Variants in ADAM22 observed in about 807,000 individuals in gnomAD.
ADAM22 encodes disintegrin and metalloproteinase domain-containing protein 22.
Under a neutral mutation model 144.6 loss-of-function variants are expected in ADAM22, and 65 were observed. The ratio of observed to expected loss-of-function variants is 0.45; its 90% CI spans 0.37 to 0.55. ADAM22 has a LOEUF of 0.55. ADAM22 is among the 20% of genes least tolerant of loss of function. ADAM22 has a pLI of 0.00. For synonymous variants in ADAM22, 391 were observed against 412.6 expected (o/e 0.95, Z 0.63); for missense variants, 974 against 1,184.9 (o/e 0.82, Z 2.61).
At chr7:88,192,281 T>C (rs1310680705) in intron 30 of ADAM22, among the ~76,000 whole-genome samples, 1 of 152,252 alleles carries the variant, frequency 6.6e-6, no homozygotes, top group African/African-American at 2.4e-5. Flanking sequence ...ACTACAGTTA[T>C]CACATCTGTT....
At chr7:87,952,845 T>G (rs906973454) in intron 2 of ADAM22, among the ~76,000 whole-genome samples, 1 of 152,236 alleles carries the variant, frequency 6.6e-6, no homozygotes, top group Non-Finnish European at 1.5e-5. Context: ...ATTCAGAGAT[T>G]CAACTTCTTC....
rs368592187 is a variant in ADAM22 at position 88,108,299 on chromosome 7, A to G, written c.473+41A>G. Reference sequence around the variant, plus strand: ...GTTATTTTTACTGTTTGTTTTTTCAATAATTTATTTTCTTTATTATGAATG... The same window carrying G: ...GTTATTTTTACTGTTTGTTTTTTCAGTAATTTATTTTCTTTATTATGAATG... On this transcript the variant is annotated intron_variant, in intron 5 of 31. Coordinates refer to ENST00000413139, the MANE Select transcript of ADAM22 (RefSeq NM_001324418.2). 12 of 1,536,744 alleles carry G rather than the reference A, an allele frequency of 7.8e-6. No individual in the cohort carries two copies. The African/African-American group carries it at 9.7e-5, about 12-fold the overall frequency.
intron 4 of ADAM22, among the ~76,000 whole-genome samples, chr7:88,093,636 T>A (rs1820519652): frequency 6.6e-6 from 1 of 152,078 alleles, no homozygotes; most frequent in Admixed American, 6.6e-5. Flanking sequence ...AGACTCAGAG[T>A]CCCAGGCTCA....
intron 8 of ADAM22, 61 bp from the exon 9 acceptor site, chr7:88,128,541 A>G: frequency 7.5e-7 from 1 of 1,330,594 alleles, no homozygotes; most frequent in Admixed American, 1.8e-5. Context: ...CATATTTTTT[A>G]GCTTTTCGCA....
At chr7:87,954,816 A>G (rs1350131907) in intron 2 of ADAM22, among the ~76,000 whole-genome samples, 1 of 152,140 alleles carries the variant, frequency 6.6e-6, no homozygotes, top group Non-Finnish European at 1.5e-5. Flanking sequence ...ACATAGTCCC[A>G]TATTTCTTGG....
chr7:88,012,805 T>C (rs1004018458), intron 3 of ADAM22, among the ~76,000 whole-genome samples: 14 of 152,202 alleles, frequency 9.2e-5, no homozygotes, highest in African/African-American at 3.4e-4. Flanking sequence ...TCACTCCCTT[T>C]GCTGAGACTA....
intron 5 of ADAM22, among the ~76,000 whole-genome samples, chr7:88,111,769 C>A (rs1826104716): frequency 6.6e-6 from 1 of 152,048 alleles, no homozygotes; most frequent in Admixed American, 6.6e-5. Context: ...AAAAATATTT[C>A]AGTTCTCAAA....
At chr7:88,144,398 C>G (rs1186529912) in intron 15 of ADAM22, among the ~76,000 whole-genome samples, 1 of 152,060 alleles carries the variant, frequency 6.6e-6, no homozygotes, top group Non-Finnish European at 1.5e-5. Context: ...TAAAACAGAC[C>G]TAAAACATAC....
At chr7:88,048,421 T>G (rs1805279001) in intron 3 of ADAM22, among the ~76,000 whole-genome samples, 1 of 152,174 alleles carries the variant, frequency 6.6e-6, no homozygotes, top group African/African-American at 2.4e-5. Context: ...ATACTGCATA[T>G]TGTCAAACTG....
At chr7:88,151,551 C>T (rs1033086651) in intron 20 of ADAM22, among the ~76,000 whole-genome samples, 2 of 152,180 alleles carry the variant, frequency 1.3e-5, no homozygotes, top group African/African-American at 2.4e-5. Flanking sequence ...ACAGAAAGTG[C>T]CTTTGCTGCC....
intron 2 of ADAM22, among the ~76,000 whole-genome samples, chr7:87,959,770 G>T (rs1847631885): frequency 6.6e-6 from 1 of 152,130 alleles, no homozygotes; most frequent in Non-Finnish European, 1.5e-5. Flanking sequence ...AAATTAAGAT[G>T]ACTTTGCATT....
At chr7:88,181,377 A>T in intron 27 of ADAM22, 128 bp from the exon 28 acceptor site, 1 of 714,268 alleles carries the variant, frequency 1.4e-6, no homozygotes, top group South Asian at 2.0e-5. Flanking sequence ...TCATTCTTTC[A>T]TTTCAGATTT....
In ADAM22 at chr7:88,151,003, T is replaced by C. The variant is rs1040303325; in HGVS notation, c.1589T>C (p.Met530Thr). 1.2e-6 allele frequency: 2 copies of C among 1,613,772 alleles called. No homozygotes were observed. Among genetic ancestry groups the C allele is most frequent in the South Asian group, 1.1e-5 (1 of 91,052 alleles). The change falls in exon 19 of 32, where the codon ATG (methionine) becomes ACG (threonine). Residue 530 changes from methionine to threonine, a missense_variant. By Grantham distance (81) the Met-to-Thr change is moderately conservative. This residue lies in a region of ADAM22 where 734 missense variants were observed against 950.6 expected (regional missense o/e 0.77). Coordinates refer to ENST00000413139, the MANE Select transcript of ADAM22 (RefSeq NM_001324418.2). ...TAGTGTGCCCCTAATATTCATAAAA[T>C]GGATGGATATTCATGTGATGGTGTT... The part of the protein sequence containing the change: ...SSQCAPNIHK[M>T]DGYSCDGVQG...
chr7:88,006,385 T>C (rs1359981058), intron 3 of ADAM22, among the ~76,000 whole-genome samples: 2 of 151,892 alleles, frequency 1.3e-5, no homozygotes, highest in Non-Finnish European at 2.9e-5. Context: ...GAGGGAATCC[T>C]CCCTAACTCA....
intron 3 of ADAM22, among the ~76,000 whole-genome samples, chr7:88,039,215 A>ACG (rs1802341240): frequency 6.6e-6 from 1 of 151,370 alleles, no homozygotes; most frequent in East Asian, 2.0e-4. Context: ...AGGCCAAGGG[A>ACG]GGCGGATCAC....
In ADAM22 at chr7:88,015,095, G is replaced by A. The variant is rs190589665; in HGVS notation, c.323+36683G>A. 1.5e-3 allele frequency among the ~76,000 whole-genome samples: 212 copies of A among 142,570 alleles called. 1 individual carries two copies. Among genetic ancestry groups the A allele is most frequent in the Middle Eastern group, 3.4e-3 (1 of 290 alleles). 93.5% of individuals were successfully genotyped at this position (142,570 alleles called of 152,430 possible). A position where few individuals can be genotyped will look rare whatever the true frequency, so the allele number is the denominator to read the frequency against. ...TCTCATCTTGAATAAAGTAACAAAG[G>A]TTTAATAAAGAGAAAAAGAAATGGA... On this transcript the variant is annotated intron_variant, in intron 3 of 31. Transcript: ENST00000413139.
chr7:88,067,402 C>G (rs751302592), intron 3 of ADAM22, among the ~76,000 whole-genome samples: 2 of 151,846 alleles, frequency 1.3e-5, no homozygotes, highest in African/African-American at 4.8e-5. Flanking sequence ...CCTCCTCCCC[C>G]CACCCCACAA....
intron 3 of ADAM22, among the ~76,000 whole-genome samples, chr7:88,050,281 T>G (rs1805904965): frequency 6.9e-6 from 1 of 145,354 alleles, no homozygotes; most frequent in South Asian, 2.2e-4. Flanking sequence ...TAGTCCCAGC[T>G]CCTCAGAAAA....
At chr7:88,159,989 C>T (rs1325912040) in intron 22 of ADAM22, among the ~76,000 whole-genome samples, 42 of 152,076 alleles carry the variant, frequency 2.8e-4, no homozygotes, top group Non-Finnish European at 5.9e-5. Context: ...TGACGTGATT[C>T]TATATCTAGA....
Sources: allele counts gnomAD v4.1 joint callset (sites outside exome capture counted in the v4.1 genomes callset), GRCh38; gene constraint gnomAD v4.1.1; regional missense constraint gnomAD v4.1.1; transcripts MANE v1.5; gene names NCBI Gene and HGNC (gene_info 2026-07-23, HGNC 2026-07-21).